Variants in BMS1 observed in about 807,000 individuals in gnomAD.
BMS1 encodes the protein BMS1 ribosome biogenesis factor, also known as ribosome biogenesis protein BMS1 homolog.
Under a neutral mutation model 138.7 loss-of-function variants are expected in BMS1, and 53 were observed. The observed-to-expected ratio is 0.38, with a 90% CI of 0.31 to 0.48. The LOEUF is 0.48. BMS1 is among the 20% of genes least tolerant of loss of function. BMS1 has a pLI of 0.97. For missense variants in BMS1, 1,360 were observed against 1,565.5 expected (o/e 0.87, Z 2.22); for synonymous variants, 504 against 539.9 (o/e 0.93, Z 0.92).
chr10:42,829,945 C>T (rs1381073075), intron 21 of BMS1, among the ~76,000 whole-genome samples: 1 of 152,170 alleles, frequency 6.6e-6, no homozygotes, highest in African/African-American at 2.4e-5. Context: ...CTGAAATTTC[C>T]ATGAAAAGAA....
At chr10:42,784,145 C>A (rs556666209) in intron 1 of BMS1, among the ~76,000 whole-genome samples, 1 of 152,070 alleles carries the variant, frequency 6.6e-6, no homozygotes, top group South Asian at 2.1e-4. Flanking sequence ...AGTAACTTAA[C>A]CATAAAATGT....
intron 12 of BMS1, 89 bp downstream of exon 12, chr10:42,798,714 G>C: frequency 6.5e-7 from 1 of 1,529,108 alleles, no homozygotes; most frequent in Non-Finnish European, 8.9e-7. Context: ...CTTACCTGTT[G>C]TTGGCTTCTT....
At position 42,831,081 on chromosome 10, in the gene BMS1, G is replaced by A. The variant is rs145950224; in HGVS notation, c.3834G>A (p.Glu1278=). ...AGAAGTCCAGTTTGAAGGGGGCTGA[G>A]GGCCAATTGCAGTGAGCCTTTGGAC... The part of the protein sequence containing the change: ...RNQKSSLKGA[E]GQLQ The change falls in exon 23 of 23, where the codon GAG becomes GAA. Residue 1278 remains glutamate (E), a synonymous_variant. Transcript: ENST00000374518. 369 of 1,565,888 alleles carry A rather than the reference G, an allele frequency of 2.4e-4. 1 individual carries two copies. Among genetic ancestry groups the A allele is most frequent in the African/African-American group, 2.1e-3 (159 of 73,984 alleles).
At chr10:42,799,391 G>A (rs1357243270) in intron 12 of BMS1, among the ~76,000 whole-genome samples, 3 of 152,206 alleles carry the variant, frequency 2.0e-5, no homozygotes, top group Non-Finnish European at 4.4e-5. Context: ...ACAGGAGTGA[G>A]CCATCGCGCC....
At chr10:42,799,170 C>T (rs1841793837) in intron 12 of BMS1, among the ~76,000 whole-genome samples, 3 of 152,148 alleles carry the variant, frequency 2.0e-5, no homozygotes, top group Non-Finnish European at 2.9e-5. Flanking sequence ...TGTAGTGGCA[C>T]AAGTGTATGG....
chr10:42,796,677 T>C lies in BMS1; in HGVS notation c.1433T>C (p.Met478Thr), dbSNP rs1326631538. The C allele has an allele frequency of 5.6e-6, 9 of 1,614,140 alleles. No individual in the cohort carries two copies. The highest frequency in any genetic ancestry group is 7.6e-6 in the Non-Finnish European group (9 of 1,180,018). Residue 478 changes from methionine (M) to threonine (T), a missense_variant, in exon 10 of 23, where the codon ATG (methionine) becomes ACG (threonine). Met to Thr is a moderately conservative substitution (Grantham distance 81). This residue lies in a region of BMS1 where 697 missense variants were observed against 686.2 expected (regional missense o/e 1.02). Coordinates refer to ENST00000374518, the MANE Select transcript of BMS1 (RefSeq NM_014753.4). ...EENAEMTDQYMAVKGIKRRKL... is the reference protein window; with the variant it reads ...EENAEMTDQYTAVKGIKRRKL... Reference sequence around the variant, plus strand: ...AATGCTGAGATGACTGATCAGTATATGGCTGTTAAGGGCATCAAACGACGG... The same window carrying C: ...AATGCTGAGATGACTGATCAGTATACGGCTGTTAAGGGCATCAAACGACGG...
At chr10:42,793,770 A>T in intron 8 of BMS1, 82 bp from the exon 9 acceptor site, 1 of 1,480,780 alleles carries the variant, frequency 6.8e-7, no homozygotes, top group Non-Finnish European at 9.1e-7. Flanking sequence ...GTCTAAGATA[A>T]TTTTGAGAAA....
Position 42,797,159 on chromosome 10 carries a change from A to G in BMS1, c.1915A>G (p.Ser639Gly). ...GCCACAGAACTTCATTGATGAGACC[A>G]GTGATATAGAAAATTTACTCAAAGA... ...LGPQNFIDET[S>G]DIENLLKEEE... is the part of the protein sequence containing the mutation. Residue 639 changes from serine (S) to glycine (G), a missense_variant, in exon 10 of 23, where the codon AGT (serine) becomes GGT (glycine). Physicochemically the swap from Ser to Gly is moderately conservative, Grantham distance 56 (BLOSUM62 0). Coordinates refer to ENST00000374518, the MANE Select transcript of BMS1 (RefSeq NM_014753.4). The G allele has an allele frequency of 6.2e-7, 1 of 1,613,810 alleles. No individual in the cohort carries two copies. Among genetic ancestry groups the G allele is most frequent in the South Asian group, 1.1e-5 (1 of 90,912 alleles).
At chr10:42,786,177 T>C (rs1424921885) in intron 3 of BMS1, among the ~76,000 whole-genome samples, 1 of 152,220 alleles carries the variant, frequency 6.6e-6, no homozygotes, top group African/African-American at 2.4e-5. Flanking sequence ...ATTTAACAGA[T>C]AGCACGCACC....
chr10:42,820,192 A>G, intron 15 of BMS1, 44 bp from the exon 16 acceptor site: 3 of 1,597,348 alleles, frequency 1.9e-6, no homozygotes, highest in Non-Finnish European at 2.5e-6. Flanking sequence ...TATGTTTATT[A>G]CAGATAACAG....
rs1842815223 is a variant in BMS1, at chr10:42,832,310, A to C, written c.*1214A>C. 1 of 152,236 alleles carries C rather than the reference A, an allele frequency of 6.6e-6. No homozygotes were observed. The highest frequency in any genetic ancestry group is 1.9e-4 in the East Asian group (1 of 5,170). 9.4% of individuals were successfully genotyped at this position (152,236 alleles called of 1,614,324 possible). ...GTGGTGGGTGCACACCTGTAGTTCC[A>C]GCTGCTTGGGAGGCTGAGGTAGGAG... On this transcript the variant is annotated 3_prime_UTR_variant, in exon 23 of 23. Transcript: ENST00000374518.
At chr10:42,812,892 A>G (rs1842230586) in intron 13 of BMS1, among the ~76,000 whole-genome samples, 1 of 152,204 alleles carries the variant, frequency 6.6e-6, no homozygotes, top group African/African-American at 2.4e-5. Flanking sequence ...TAAAAGAACT[A>G]GCCAGGTGGG....
intron 13 of BMS1, among the ~76,000 whole-genome samples, chr10:42,804,866 C>T (rs953289074): frequency 3.9e-5 from 6 of 152,016 alleles, no homozygotes; most frequent in Non-Finnish European, 7.4e-5. Flanking sequence ...TACAGGCGCC[C>T]GCCACCACGC....
intron 11 of BMS1, among the ~76,000 whole-genome samples, chr10:42,797,953 A>T (rs1722480274): frequency 6.6e-6 from 1 of 152,220 alleles, no homozygotes; most frequent in South Asian, 2.1e-4. Context: ...TTTCTGGTAG[A>T]ATTAATGCAA....
At chr10:42,805,621 G>A (rs1841990634) in intron 13 of BMS1, among the ~76,000 whole-genome samples, 1 of 152,276 alleles carries the variant, frequency 6.6e-6, no homozygotes, top group South Asian at 2.1e-4. Flanking sequence ...TATGAACATA[G>A]TAACTCTCCA....
At chr10:42,797,833 A>G (rs1050654623) in intron 11 of BMS1, among the ~76,000 whole-genome samples, 1 of 152,182 alleles carries the variant, frequency 6.6e-6, no homozygotes, top group African/African-American at 2.4e-5. Flanking sequence ...TGCCCATAAA[A>G]ATATTTATTT....
chr10:42,804,465 T>C (rs188969460), intron 13 of BMS1, among the ~76,000 whole-genome samples: 2 of 152,210 alleles, frequency 1.3e-5, no homozygotes, highest in Non-Finnish European at 2.9e-5. Flanking sequence ...TCTTGTAGTT[T>C]TAGTGACTAA....
intron 13 of BMS1, among the ~76,000 whole-genome samples, chr10:42,814,201 C>G (rs1373860294): frequency 6.6e-6 from 1 of 152,200 alleles, no homozygotes; most frequent in African/African-American, 2.4e-5. Context: ...GCTCTGGTCT[C>G]CTGTGGGACT....
At chr10:42,809,533 T>C (rs1185931054) in intron 13 of BMS1, among the ~76,000 whole-genome samples, 3 of 152,090 alleles carry the variant, frequency 2.0e-5, no homozygotes, top group Non-Finnish European at 4.4e-5. Flanking sequence ...AGTGCTGGGA[T>C]TATAGGCGTG....
Sources: gnomAD v4.1 joint callset for allele counts (sites outside exome capture counted in the v4.1 genomes callset) on GRCh38, gnomAD v4.1.1 for gene constraint, gnomAD v4.1.1 regional missense constraint, MANE v1.5 for transcripts, NCBI Gene and HGNC (gene_info 2026-07-23, HGNC 2026-07-21) for gene names.